Variants in AMPD3 observed in about 807,000 individuals in gnomAD.
The protein encoded by AMPD3 is AMP deaminase 3.
AMPD3 carries 57 observed loss-of-function variants against 82.3 expected under a neutral mutation model. That is an observed-to-expected ratio of 0.69 (90% CI 0.56 to 0.86). AMPD3 has a LOEUF of 0.86. AMPD3 is among the 40% of genes least tolerant of loss of function. AMPD3 has a pLI of 0.00. For synonymous variants in AMPD3, 381 were observed against 394.7 expected (o/e 0.97, Z 0.41); for missense variants, 870 against 1,003.8 (o/e 0.87, Z 1.80).
At chr11:10,495,843 C>A in intron 9 of AMPD3, 110 bp downstream of exon 9, 1 of 1,385,872 alleles carries the variant, frequency 7.2e-7, no homozygotes, top group South Asian at 1.2e-5. Flanking sequence ...CTGGTGCCAG[C>A]TTACGCTTGT....
chr11:10,502,687 C>T, intron 12 of AMPD3, 34 bp from the exon 13 acceptor site: 1 of 1,612,054 alleles, frequency 6.2e-7, no homozygotes, highest in Non-Finnish European at 8.5e-7. Flanking sequence ...CCCTCTCTGG[C>T]ACTTGTCACA....
upstream of AMPD3, chr11:10,450,676 G>T: frequency 9.7e-7 from 1 of 1,032,880 alleles, no homozygotes; most frequent in Non-Finnish European, 1.2e-6. Flanking sequence ...CGGCCGCCGC[G>T]CCCCTGCTGC....
intron 10 of AMPD3, chr11:10,497,738 G>T: frequency 1.0e-6 from 1 of 985,328 alleles, no homozygotes. Flanking sequence ...TGGGGGCAGG[G>T]GTGAGAGTCA....
intron 3 of AMPD3, among the ~76,000 whole-genome samples, chr11:10,480,795 A>G (rs1389564926): frequency 6.6e-6 from 1 of 152,222 alleles, no homozygotes. Context: ...TTATTAAAGC[A>G]GAGGAGATCA....
chr11:10,502,606 A>G, intron 12 of AMPD3, 115 bp from the exon 13 acceptor site: 3 of 1,592,238 alleles, frequency 1.9e-6, no homozygotes, highest in Non-Finnish European at 2.6e-6. Context: ...TTGGGCAGAC[A>G]TGGTTCAGAC....
At chr11:10,450,907 C>T (rs1351883562), upstream of AMPD3, 1 of 1,244,630 alleles carries the variant, frequency 8.0e-7, no homozygotes, top group African/African-American at 1.6e-5. Flanking sequence ...TGCTGCGGGG[C>T]GCGGCCTGGC....
intron 2 of AMPD3, among the ~76,000 whole-genome samples, chr11:10,471,732 G>C (rs1217885585): frequency 1.3e-5 from 2 of 152,126 alleles, no homozygotes; most frequent in Non-Finnish European, 2.9e-5. Flanking sequence ...AAATGCAAAT[G>C]AAAACCACAA....
upstream of AMPD3, among the ~76,000 whole-genome samples, chr11:10,453,275 C>G (rs1321129130): frequency 6.6e-6 from 1 of 152,208 alleles, no homozygotes. Context: ...TAGCCATACA[C>G]TCTACTCATT....
intron 14 of AMPD3, 63 bp from the exon 15 acceptor site, chr11:10,505,645 C>T (rs1849698645): frequency 1.1e-5 from 18 of 1,590,840 alleles, no homozygotes; most frequent in Non-Finnish European, 1.4e-5. Flanking sequence ...CAAAGCTGCC[C>T]ACATGGCTAT....
chr11:10,461,860 G>A, intron 2 of AMPD3, 120 bp downstream of exon 2: 2 of 972,996 alleles, frequency 2.1e-6, no homozygotes, highest in Middle Eastern at 2.9e-4. Flanking sequence ...AGCTGTGTTG[G>A]TTCCTTAACC....
rs1424637508 is a variant in AMPD3 at position 10,506,267 on chromosome 11, AG to A, written c.*384del. ...CATTGGCCCAGGTAGGCTAATTGGT[AG>A]TTGTTCATTTCAGCCTCTGGATGGC... On this transcript the variant is annotated 3_prime_UTR_variant, in exon 15 of 15. Coordinates refer to ENST00000396553, the MANE Select transcript of AMPD3 (RefSeq NM_001025389.2). This position sits in a 1 kb window ranked among gnomAD's most constrained non-coding sequence, Gnocchi z 4.1. The A allele has an allele frequency of 3.7e-6, 1 of 270,260 alleles. No individual in the cohort carries two copies. The highest frequency in any genetic ancestry group is 7.3e-6 in the Non-Finnish European group (1 of 137,612). 16.7% of individuals were successfully genotyped at this position (270,260 alleles called of 1,614,324 possible).
At chr11:10,502,154 A>G in intron 12 of AMPD3, 1 of 985,338 alleles carries the variant, frequency 1.0e-6, no homozygotes, top group South Asian at 4.7e-5. Context: ...CATTGGCACG[A>G]TGTTTGATCA....
intron 2 of AMPD3, chr11:10,473,248 C>T (rs1016547703): frequency 1.7e-5 from 7 of 411,196 alleles, no homozygotes; most frequent in African/African-American, 4.4e-5. Flanking sequence ...CCAGCTTGGG[C>T]GGCAGAGCAA....
intron 5 of AMPD3, among the ~76,000 whole-genome samples, chr11:10,485,402 A>T (rs961068150): frequency 2.0e-5 from 3 of 152,136 alleles, no homozygotes; most frequent in Non-Finnish European, 4.4e-5. Flanking sequence ...ACGTGCCACC[A>T]TGGCTAATTT....
In AMPD3 at chr11:10,456,542, T is replaced by A. The variant is rs1848100028; in HGVS notation, c.-6+1094T>A. The stretch of plus-strand genomic sequence containing the variant: ...ATGAAAAGTTACTGTTTGTTGAAAC[T>A]GGCAGTGTTTTAGAACTTTCTAACT... On this transcript the variant is annotated intron_variant, in intron 1 of 14. Coordinates refer to ENST00000396553, the MANE Select transcript of AMPD3 (RefSeq NM_001025389.2). The surrounding 1 kb of genome is among the most constrained non-coding windows in gnomAD (Gnocchi z 4.3). 7 of 1,598,900 alleles carry A rather than the reference T, an allele frequency of 4.4e-6. No individual in the cohort carries two copies. The highest frequency in any genetic ancestry group is 6.0e-6 in the Non-Finnish European group (7 of 1,172,216).
Position 10,500,067 on chromosome 11 carries a change from C to T in AMPD3, c.1558-19C>T. On this transcript the variant is annotated intron_variant, in intron 10 of 14. Transcript: ENST00000396553. ...CCTGGTCCTGCCTTGGCCTGGTGCT[C>T]AGGACCTCTCCTGCCCAGGTGACGG... The T allele has an allele frequency of 1.2e-6, 2 of 1,614,154 alleles. No individual in the cohort carries two copies. The highest frequency in any genetic ancestry group is 1.7e-6 in the Non-Finnish European group (2 of 1,180,014).
At chr11:10,451,539 C>G (rs1051185875), upstream of AMPD3, among the ~76,000 whole-genome samples, 1 of 152,232 alleles carries the variant, frequency 6.6e-6, no homozygotes, top group African/African-American at 2.4e-5. Flanking sequence ...GCTTTCTGCC[C>G]TTGATCTTCT....
intron 2 of AMPD3, among the ~76,000 whole-genome samples, chr11:10,467,576 C>G (rs1031995896): frequency 6.6e-6 from 1 of 152,146 alleles, no homozygotes; most frequent in African/African-American, 2.4e-5. Context: ...AGAATCGAAA[C>G]AAGTGGAAAA....
intron 2 of AMPD3, among the ~76,000 whole-genome samples, chr11:10,463,364 G>C (rs897538627): frequency 1.3e-5 from 2 of 152,176 alleles, no homozygotes; most frequent in Non-Finnish European, 1.5e-5. Context: ...GGTGCCATTG[G>C]TTAACCTCTG....
Sources: gnomAD v4.1 joint callset for allele counts (sites outside exome capture counted in the v4.1 genomes callset) on GRCh38, gnomAD v4.1.1 for gene constraint, Gnocchi (gnomAD v3.1) non-coding constraint, MANE v1.5 for transcripts, NCBI Gene and HGNC (gene_info 2026-07-23, HGNC 2026-07-21) for gene names.